ELMOD2: variants seen among roughly 807,000 people sequenced by gnomAD.
ELMOD2 encodes ELMO domain-containing protein 2.
A neutral mutation model predicts 41.0 loss-of-function variants in ELMOD2; 28 were observed. The ratio of observed to expected loss-of-function variants is 0.68; its 90% CI spans 0.51 to 0.94. The LOEUF (loss-of-function observed/expected upper bound fraction) is 0.94, where lower values mean the gene tolerates loss of function less well. ELMOD2 is among the 40% of genes least tolerant of loss of function. ELMOD2 has a pLI of 0.00. For synonymous variants in ELMOD2, 106 were observed against 107.2 expected (o/e 0.99, Z 0.07); for missense variants, 333 against 343.1 (o/e 0.97, Z 0.23).
Position 140,550,477 on chromosome 4 carries a change from T to A in ELMOD2, c.*102T>A, listed in dbSNP as rs1266395065. ...GATCAATTACACTCTTATATATAAT[T>A]TCCTACAAAAATATTTCAGAAATTC... On this transcript the variant is annotated 3_prime_UTR_variant, in exon 9 of 9. Coordinates refer to ENST00000323570, the MANE Select transcript of ELMOD2 (RefSeq NM_153702.4). 2 of 1,190,072 alleles carry A rather than the reference T, an allele frequency of 1.7e-6. No homozygotes were observed. The highest frequency in any genetic ancestry group is 2.3e-6 in the Non-Finnish European group (2 of 879,026). The allele number at this position is 1,190,072 out of a possible 1,614,324, so 73.7% of individuals were successfully genotyped here.
chr4:140,531,903 A>G (rs1734760219), intron 3 of ELMOD2, among the ~76,000 whole-genome samples: 1 of 152,214 alleles, frequency 6.6e-6, no homozygotes, highest in Non-Finnish European at 1.5e-5. Context: ...CAAATCTCTA[A>G]TCTTGGCTTC....
intron 4 of ELMOD2, 122 bp downstream of exon 4, chr4:140,535,952 C>T: frequency 1.2e-6 from 1 of 841,932 alleles, no homozygotes; most frequent in African/African-American, 1.8e-5. Flanking sequence ...ATTCAGCGCT[C>T]TCACTTCACA....
chr4:140,534,125 C>T (rs1734836025), intron 3 of ELMOD2, among the ~76,000 whole-genome samples: 1 of 152,010 alleles, frequency 6.6e-6, no homozygotes, highest in Non-Finnish European at 1.5e-5. Flanking sequence ...AAAGTATGGT[C>T]CCAAACTGGG....
chr4:140,527,495 G>A lies in ELMOD2; in HGVS notation c.171+1G>A, dbSNP rs1407625694. On this transcript the variant is annotated splice_donor_variant, in intron 3 of 8. Transcript: ENST00000323570. LOFTEE classifies it high-confidence loss of function. The stretch of plus-strand genomic sequence containing the variant: ...TTCCTTGACATACTCCAAGAATAAG[G>A]TAGGATAACATAAAGGTGGTAACTC... 11 of 1,574,226 alleles carry A rather than the reference G, an allele frequency of 7.0e-6. No individual in the cohort carries two copies. Among genetic ancestry groups the A allele is most frequent in the Non-Finnish European group, 9.4e-6 (11 of 1,166,012 alleles).
At chr4:140,538,722 C>T (rs1039344779) in intron 5 of ELMOD2, among the ~76,000 whole-genome samples, 3 of 152,192 alleles carry the variant, frequency 2.0e-5, no homozygotes, top group Non-Finnish European at 4.4e-5. Context: ...ACTACACATA[C>T]TCAGCAGTCT....
In ELMOD2 at chr4:140,544,172, C is replaced by G. The variant is rs1053820174; in HGVS notation, c.736+586C>G. On this transcript the variant is annotated intron_variant, in intron 8 of 8. Transcript: ENST00000323570. ...TTGTTCAGAAGCAAAGAACTCAAAT[C>G]TAGTTTTTCTTCACACAGTACTTTT... 1.2e-4 allele frequency among the ~76,000 whole-genome samples: 19 copies of G among 152,138 alleles called. 1 individual carries two copies. The highest frequency in any genetic ancestry group is 6.6e-5 in the Admixed American group (1 of 15,266).
intron 5 of ELMOD2, among the ~76,000 whole-genome samples, chr4:140,538,632 T>C (rs1349262000): frequency 6.6e-6 from 1 of 152,170 alleles, no homozygotes; most frequent in Non-Finnish European, 1.5e-5. Flanking sequence ...ACCTTTCCTT[T>C]TGAGGGAAAA....
In ELMOD2 at chr4:140,551,758, CTT is replaced by C. The variant is rs1735476347; in HGVS notation, c.*1385_*1386del. ...GTATGTGATAGAGCAAGACCTGAGA[CTT>C]TATAAGTATTTGCTCGTGTCTGTTG... On this transcript the variant is annotated 3_prime_UTR_variant, in exon 9 of 9. Transcript: ENST00000323570. 6.6e-6 allele frequency: 1 copy of C among 152,016 alleles called. No individual in the cohort carries two copies. Among genetic ancestry groups the C allele is most frequent in the Admixed American group, 6.6e-5 (1 of 15,248 alleles). 9.4% of individuals were successfully genotyped at this position (152,016 alleles called of 1,614,324 possible).
At chr4:140,540,444 G>A (rs1269684989) in intron 6 of ELMOD2, 143 bp downstream of exon 6, 12 of 1,144,418 alleles carry the variant, frequency 1.0e-5, no homozygotes, top group Non-Finnish European at 1.3e-5. Flanking sequence ...ATTTGCTAAT[G>A]TGTTGGCAAC....
At chr4:140,547,856 T>C (rs1448857824) in intron 8 of ELMOD2, among the ~76,000 whole-genome samples, 3 of 152,184 alleles carry the variant, frequency 2.0e-5, no homozygotes, top group Non-Finnish European at 4.4e-5. Flanking sequence ...ACATCTGGAC[T>C]CAAAAGGACA....
rs535968483 is a variant in ELMOD2 at position 140,525,625 on chromosome 4, T to C, written c.142+55T>C. On this transcript the variant is annotated intron_variant, in intron 2 of 8. Transcript: ENST00000323570. ...ATAAAAGTTTAACGGAGTGTTTTTC[T>C]CAGGACTCACAGTGACAGATGTATT... 2.5e-5 allele frequency: 39 copies of C among 1,551,576 alleles called. No individual in the cohort carries two copies. In the East Asian group the frequency reaches 8.8e-4, roughly 35 times the overall value.
chr4:140,546,462 G>C (rs1011607230), intron 8 of ELMOD2, among the ~76,000 whole-genome samples: 22 of 151,812 alleles, frequency 1.4e-4, no homozygotes, highest in African/African-American at 5.3e-4. Flanking sequence ...TTGTGCACAT[G>C]TACCCTAGAA....
At chr4:140,549,524 GA>G (rs1177547786) in intron 8 of ELMOD2, among the ~76,000 whole-genome samples, 3 of 150,964 alleles carry the variant, frequency 2.0e-5, no homozygotes, top group Admixed American at 6.6e-5. Context: ...ATAGTTCATT[GA>G]AAAAAAAGTA....
chr4:140,524,603 T>C, intron 1 of ELMOD2: 1 of 985,484 alleles, frequency 1.0e-6, no homozygotes, highest in African/African-American at 1.7e-5. Context: ...GCGCTCTTTC[T>C]GCACTGACCT....
At chr4:140,529,835 C>T (rs1181844218) in intron 3 of ELMOD2, among the ~76,000 whole-genome samples, 2 of 152,152 alleles carry the variant, frequency 1.3e-5, no homozygotes, top group Non-Finnish European at 1.5e-5. Flanking sequence ...TCTTTATGAT[C>T]CCCTTTCCTT....
rs963976485 is a variant in ELMOD2 at position 140,531,392 on chromosome 4, A to T, written c.171+3898A>T. On this transcript the variant is annotated intron_variant, in intron 3 of 8. Coordinates refer to ENST00000323570, the MANE Select transcript of ELMOD2 (RefSeq NM_153702.4). ...AAATAAAAATTAATGACTTATTCGA[A>T]TTTGAGGAGTCTAATTCAATATTCT... Among the ~76,000 whole-genome samples the T allele has an allele frequency of 2.6e-5, 4 of 152,204 alleles. No homozygotes were observed. The East Asian group carries it at 7.7e-4, about 29-fold the overall frequency.
intron 8 of ELMOD2, among the ~76,000 whole-genome samples, chr4:140,549,306 A>T (rs969529453): frequency 6.6e-6 from 1 of 151,918 alleles, no homozygotes; most frequent in African/African-American, 2.4e-5. Context: ...GTACTTGTTG[A>T]TAGATATTTT....
intron 8 of ELMOD2, among the ~76,000 whole-genome samples, chr4:140,545,180 T>A (rs905579831): frequency 3.9e-5 from 6 of 152,180 alleles, no homozygotes; most frequent in Non-Finnish European, 2.9e-5. Flanking sequence ...TTTCTTCATG[T>A]TATTTGATCC....
At chr4:140,536,672 ATGT>A (rs748537100) in intron 4 of ELMOD2, among the ~76,000 whole-genome samples, 1 of 152,188 alleles carries the variant, frequency 6.6e-6, no homozygotes, top group Non-Finnish European at 1.5e-5. Context: ...AAGGATGTAG[ATGT>A]TGTCCTCTGG....
Sources: gnomAD v4.1 joint callset for allele counts (sites outside exome capture counted in the v4.1 genomes callset) on GRCh38, gnomAD v4.1.1 for gene constraint, MANE v1.5 for transcripts, NCBI Gene and HGNC (gene_info 2026-07-23, HGNC 2026-07-21) for gene names.